Variants in AP3B1 observed in about 807,000 individuals in gnomAD.
The protein encoded by AP3B1 is AP-3 complex subunit beta-1.
In AP3B1, 61 loss-of-function variants were observed where a neutral mutation model predicts 132.5. The observed-to-expected ratio is 0.46, with a 90% CI of 0.37 to 0.57. The LOEUF is 0.57. Among genes scored for constraint, AP3B1 ranks in the 20% least tolerant of loss-of-function variants. AP3B1 has a pLI of 0.00. For missense variants in AP3B1, 1,120 were observed against 1,289.4 expected (o/e 0.87, Z 2.01); for synonymous variants, 388 against 438.3 (o/e 0.89, Z 1.43).
intron 3 of AP3B1, among the ~76,000 whole-genome samples, chr5:78,239,112 T>G (rs941478611): frequency 2.0e-5 from 3 of 151,642 alleles, no homozygotes; most frequent in Non-Finnish European, 4.4e-5. Context: ...ACCCAAAGAG[T>G]TATGCCTAAT....
At chr5:78,252,010 C>A (rs1580546270) in intron 2 of AP3B1, among the ~76,000 whole-genome samples, 1 of 152,146 alleles carries the variant, frequency 6.6e-6, no homozygotes, top group East Asian at 1.9e-4. Flanking sequence ...CAGGATAGGG[C>A]ACCGGTCAGA....
chr5:78,149,031 A>G (rs531042383), intron 14 of AP3B1, among the ~76,000 whole-genome samples: 1 of 152,288 alleles, frequency 6.6e-6, no homozygotes, highest in Non-Finnish European at 1.5e-5. Context: ...CCATCAAAGT[A>G]ATGTCAAACA....
In AP3B1 at chr5:78,090,933, C is replaced by G. The variant is rs189017006; in HGVS notation, c.2471-1434G>C. Among the ~76,000 whole-genome samples, 49 of 144,812 alleles carry G rather than the reference C, an allele frequency of 3.4e-4. No homozygotes were observed. The East Asian group carries it at 7.0e-3, about 21-fold the overall frequency. ...CTGAGTAAGTGCATGCCACCATACC[C>G]AGCCTTTTTTTTTTATTTTTTATTT... On this transcript the variant is annotated intron_variant, in intron 21 of 26. Coordinates refer to ENST00000255194, the MANE Select transcript of AP3B1 (RefSeq NM_003664.5).
At chr5:78,057,013 CAT>C (rs1748842795) in intron 22 of AP3B1, among the ~76,000 whole-genome samples, 1 of 152,150 alleles carries the variant, frequency 6.6e-6, no homozygotes, top group African/African-American at 2.4e-5. Context: ...TCTTCTAGAA[CAT>C]AGTTTCATTT....
chr5:78,263,839 G>A (rs1024089683), intron 2 of AP3B1, among the ~76,000 whole-genome samples: 7 of 152,112 alleles, frequency 4.6e-5, no homozygotes, highest in South Asian at 4.1e-4. Flanking sequence ...GTCGTGCCAC[G>A]TTTTGGTCAA....
At chr5:78,133,392 T>C (rs959544951) in intron 15 of AP3B1, among the ~76,000 whole-genome samples, 1 of 152,246 alleles carries the variant, frequency 6.6e-6, no homozygotes, top group Non-Finnish European at 1.5e-5. Flanking sequence ...ACTGCACTTG[T>C]GTCTTAACAT....
chr5:78,120,935 AG>A (rs1752157389), intron 17 of AP3B1, among the ~76,000 whole-genome samples: 1 of 152,226 alleles, frequency 6.6e-6, no homozygotes, highest in Non-Finnish European at 1.5e-5. Flanking sequence ...TTGACCACAT[AG>A]TTGGAAGTAA....
At chr5:78,275,943 A>G (rs1748756527) in intron 1 of AP3B1, among the ~76,000 whole-genome samples, 1 of 152,232 alleles carries the variant, frequency 6.6e-6, no homozygotes, top group Admixed American at 6.5e-5. Context: ...TACATAGGAC[A>G]TTTACCAAAA....
At chr5:78,151,637 T>C (rs1753653822) in intron 14 of AP3B1, among the ~76,000 whole-genome samples, 1 of 152,190 alleles carries the variant, frequency 6.6e-6, no homozygotes, top group Admixed American at 6.5e-5. Context: ...CCTCATTCTG[T>C]TGATATGATG....
At chr5:78,207,892 C>A (rs1365514494) in intron 7 of AP3B1, among the ~76,000 whole-genome samples, 3 of 152,092 alleles carry the variant, frequency 2.0e-5, no homozygotes, top group Non-Finnish European at 4.4e-5. Context: ...AACAATAAAC[C>A]ATTTTCAAAT....
intron 11 of AP3B1, among the ~76,000 whole-genome samples, 156 bp from the exon 12 acceptor site, chr5:78,165,828 G>T (rs980061448): frequency 1.3e-5 from 2 of 152,162 alleles, no homozygotes; most frequent in Admixed American, 6.5e-5. Context: ...CAGCACTTTG[G>T]GAAGCCGAGG....
chr5:78,105,253 A>C (rs762977251), intron 20 of AP3B1, among the ~76,000 whole-genome samples: 1 of 148,710 alleles, frequency 6.7e-6, no homozygotes, highest in Non-Finnish European at 1.5e-5. Context: ...ATCATGAATA[A>C]GGTGCGAATA....
At chr5:78,113,060 C>T (rs1015615760) in intron 19 of AP3B1, among the ~76,000 whole-genome samples, 1 of 152,166 alleles carries the variant, frequency 6.6e-6, no homozygotes, top group Admixed American at 6.5e-5. Flanking sequence ...GAGCAGAGAG[C>T]GTACTGCGCC....
chr5:78,187,703 T>G lies in AP3B1; in HGVS notation c.787-6041A>C, dbSNP rs568966574. Among the ~76,000 whole-genome samples the G allele has an allele frequency of 4.1e-4, 63 of 152,272 alleles. 1 individual carries two copies. In the South Asian group the frequency reaches 0.013, roughly 32 times the overall value. ...AATGCTATTCCCATTAAACTACCAT[T>G]GACATTCTTCACAGAACTAGAAAAA... On this transcript the variant is annotated intron_variant, in intron 7 of 26. Coordinates refer to ENST00000255194, the MANE Select transcript of AP3B1 (RefSeq NM_003664.5).
At chr5:78,020,584 T>A (rs964872046) in intron 25 of AP3B1, 108 bp downstream of exon 25, 1 of 842,796 alleles carries the variant, frequency 1.2e-6, no homozygotes, top group African/African-American at 1.7e-5. Context: ...TGTGCACTAA[T>A]ATCTGTTAAT....
At chr5:78,023,975 G>T (rs1338969519) in intron 24 of AP3B1, among the ~76,000 whole-genome samples, 1 of 152,170 alleles carries the variant, frequency 6.6e-6, no homozygotes, top group East Asian at 1.9e-4. Context: ...GAAATAACTG[G>T]TAGAGCAAGG....
At chr5:78,014,571 T>A (rs1028283447) in intron 26 of AP3B1, among the ~76,000 whole-genome samples, 1 of 152,194 alleles carries the variant, frequency 6.6e-6, no homozygotes, top group African/African-American at 2.4e-5. Context: ...AAAATGTTTT[T>A]TAAGGTCTGC....
At position 78,141,073 on chromosome 5, in the gene AP3B1, A is replaced by T. The variant is rs1188844578; in HGVS notation, c.1650+70T>A. The T allele has an allele frequency of 9.1e-6, 13 of 1,422,588 alleles. No individual in the cohort carries two copies. The Admixed American group carries it at 1.5e-4, about 17-fold the overall frequency. The allele number at this position is 1,422,588 out of a possible 1,614,324, so 88.1% of individuals were successfully genotyped here. On this transcript the variant is annotated intron_variant, in intron 15 of 26. Coordinates refer to ENST00000255194, the MANE Select transcript of AP3B1 (RefSeq NM_003664.5). ...AATGGTCAGACTAATGAAGGCACAG[A>T]CCCCCGCTGTTTGATCAGAGTGAAG...
intron 14 of AP3B1, among the ~76,000 whole-genome samples, chr5:78,152,911 G>T (rs570676787): frequency 6.6e-6 from 1 of 151,914 alleles, no homozygotes; most frequent in African/African-American, 2.4e-5. Flanking sequence ...GAAGATACTT[G>T]GTATTATTTT....
Sources: gnomAD v4.1 joint callset for allele counts (sites outside exome capture counted in the v4.1 genomes callset) on GRCh38, gnomAD v4.1.1 for gene constraint, MANE v1.5 for transcripts, NCBI Gene and HGNC (gene_info 2026-07-23, HGNC 2026-07-21) for gene names.